The following TMCO4 variants were observed in gnomAD, a reference collection of about 807,000 sequenced individuals.
TMCO4 encodes the protein transmembrane and coiled-coil domains 4, also known as transmembrane and coiled-coil domain-containing protein 4.
TMCO4 carries 58 observed loss-of-function variants against 64.7 expected under a neutral mutation model. The ratio of observed to expected loss-of-function variants is 0.90; its 90% confidence interval spans 0.73 to 1.12. TMCO4 has a LOEUF of 1.12. Among genes scored for constraint, TMCO4 ranks in the 50% most tolerant of loss-of-function variants. The pLI is 0.00. For synonymous variants in TMCO4, 325 were observed against 346.1 expected (o/e 0.94, Z 0.68); for missense variants, 780 against 825.9 (o/e 0.94, Z 0.68).
At chr1:19,773,575 G>C (rs1438628082) in intron 4 of TMCO4, among the ~76,000 whole-genome samples, 1 of 152,190 alleles carries the variant, frequency 6.6e-6, no homozygotes, top group African/African-American at 2.4e-5. Context: ...GCTCAGGGCT[G>C]TGCTGGCAGC....
At chr1:19,723,058 C>T (rs1178349072) in intron 13 of TMCO4, among the ~76,000 whole-genome samples, 1 of 152,182 alleles carries the variant, frequency 6.6e-6, no homozygotes, top group African/African-American at 2.4e-5. Context: ...CTCCTCTGAG[C>T]AAGGCAAGTC....
intron 14 of TMCO4, among the ~76,000 whole-genome samples, chr1:19,699,574 CA>C: frequency 6.6e-6 from 1 of 151,230 alleles, no homozygotes; most frequent in East Asian, 1.9e-4. Context: ...TGCTGATGTG[CA>C]AGCCCCAGGC....
Position 19,682,648 on chromosome 1 carries a change from G to T in TMCO4, c.*392C>A, listed in dbSNP as rs1570593311. ...CTGGTTTTATTGAGGCCAGGGGAGA[G>T]CTGGTGTGGGAGCCTCAGGCCCCAG... On this transcript the variant is annotated 3_prime_UTR_variant, in exon 16 of 16. Coordinates refer to ENST00000294543, the MANE Select transcript of TMCO4 (RefSeq NM_181719.7). The T allele has an allele frequency of 8.4e-6, 6 of 717,590 alleles. No homozygotes were observed. In the East Asian group the frequency reaches 1.6e-4, roughly 19 times the overall value. 44.5% of individuals were successfully genotyped at this position (717,590 alleles called of 1,614,324 possible). A position where few individuals can be genotyped will look rare whatever the true frequency, so the allele number is the denominator to read the frequency against.
At chr1:19,750,553 A>G (rs1325629362) in intron 7 of TMCO4, among the ~76,000 whole-genome samples, 1 of 152,124 alleles carries the variant, frequency 6.6e-6, no homozygotes, top group East Asian at 1.9e-4. Flanking sequence ...AAATATAACC[A>G]TGACTACCTG....
intron 14 of TMCO4, among the ~76,000 whole-genome samples, chr1:19,697,591 G>A (rs190418348): frequency 4.5e-4 from 68 of 150,542 alleles, no homozygotes; most frequent in Non-Finnish European, 7.4e-4. Flanking sequence ...GAGCCACCAT[G>A]CCTGGTTAAC....
intron 14 of TMCO4, among the ~76,000 whole-genome samples, chr1:19,700,556 A>C (rs10917520): frequency 0.52 from 79,683 of 151,900 alleles, 21,599 homozygotes; most frequent in East Asian, 0.67. Flanking sequence ...CTCAGAATCC[A>C]CCCTTCTGTC....
chr1:19,725,226 A>T (rs538528066), intron 13 of TMCO4, among the ~76,000 whole-genome samples: 1 of 152,334 alleles, frequency 6.6e-6, no homozygotes, highest in African/African-American at 2.4e-5. Flanking sequence ...TGCTGAATGA[A>T]GACACCTGCA....
At position 19,694,499 on chromosome 1, in the gene TMCO4, C is replaced by T. The variant is rs760537609; in HGVS notation, c.1435G>A (p.Val479Ile). The T allele has an allele frequency of 5.0e-6, 8 of 1,614,084 alleles. No homozygotes were observed. The highest frequency in any genetic ancestry group is 2.2e-5 in the South Asian group (2 of 91,082). ...VYRTSSVQLR[V>I]AGLQPVLLQD... ...AGCAGCACGGGCTGTAGGCCGGCGA[C>T]ACGGAGCTGCACCGAGGATGTGCGG... is the stretch of plus-strand genomic sequence containing the variant. Residue 479 changes from valine (V) to isoleucine (I), a missense_variant, in exon 15 of 16, where the codon GTC becomes ATC. Val to Ile is a conservative substitution (Grantham distance 29). Transcript: ENST00000294543.
chr1:19,792,735 C>A (rs1571068859), intron 2 of TMCO4, among the ~76,000 whole-genome samples: 1 of 148,376 alleles, frequency 6.7e-6, no homozygotes, highest in African/African-American at 2.5e-5. Context: ...TTCTTTTCCC[C>A]CTTGGAGCAG....
Position 19,755,773 on chromosome 1 carries a change from A to G in TMCO4, c.383-7T>C. On this transcript the variant is annotated splice_region_variant and splice_polypyrimidine_tract_variant and intron_variant, in intron 6 of 15. Coordinates refer to ENST00000294543, the MANE Select transcript of TMCO4 (RefSeq NM_181719.7). ...GCCCGGGCGTCATAGTGCCCTCGAA[A>G]GACAGAAACAACACCGGAAAAGAAT... 6.2e-7 allele frequency: 1 copy of G among 1,614,008 alleles called. No homozygotes were observed. Among genetic ancestry groups the G allele is most frequent in the East Asian group, 2.2e-5 (1 of 44,876 alleles).
chr1:19,771,573 A>AG lies in TMCO4; in HGVS notation c.180-92dup. 2.3e-6 allele frequency: 3 copies of AG among 1,325,700 alleles called. No individual in the cohort carries two copies. The South Asian group carries it at 4.4e-5, about 19-fold the overall frequency. The allele number at this position is 1,325,700 out of a possible 1,614,324, so 82.1% of individuals were successfully genotyped here. Reference sequence around the variant, plus strand: ...ATTAGTTGTGGTCACGGATGTGAACAGCTGGCACGTGCCTGACTTACTGAC... The same window carrying AG: ...ATTAGTTGTGGTCACGGATGTGAACAGGCTGGCACGTGCCTGACTTACTGAC... On this transcript the variant is annotated intron_variant, in intron 4 of 15. Transcript: ENST00000294543.
chr1:19,758,213 G>T (rs773630533), intron 6 of TMCO4, among the ~76,000 whole-genome samples: 32 of 151,842 alleles, frequency 2.1e-4, no homozygotes, highest in Non-Finnish European at 4.3e-4. Context: ...TCCCCAGAGT[G>T]AAACAGGGTC....
At chr1:19,716,165 T>TTTATTATTA (rs35582165) in intron 13 of TMCO4, among the ~76,000 whole-genome samples, 91,626 of 144,710 alleles carry the variant, frequency 0.63, 29,440 homozygotes, top group East Asian at 0.76. Flanking sequence ...TTATTTTTAT[T>TTTATTATTA]TTATTATTAT....
At chr1:19,724,741 G>A (rs947731554) in intron 13 of TMCO4, among the ~76,000 whole-genome samples, 4 of 152,060 alleles carry the variant, frequency 2.6e-5, no homozygotes, top group African/African-American at 9.7e-5. Flanking sequence ...TAGACTCTAA[G>A]TTCAGTGCTC....
At chr1:19,715,084 G>T (rs562095748) in intron 13 of TMCO4, among the ~76,000 whole-genome samples, 142 of 152,056 alleles carry the variant, frequency 9.3e-4, no homozygotes, top group African/African-American at 3.1e-3. Context: ...TCTACAAAAA[G>T]AATTTGAAAA....
At chr1:19,683,951 G>A (rs2095125558) in intron 15 of TMCO4, among the ~76,000 whole-genome samples, 1 of 151,152 alleles carries the variant, frequency 6.6e-6, no homozygotes, top group Admixed American at 6.6e-5. Context: ...TAGTAGAGAA[G>A]GGGTTTCACC....
chr1:19,782,612 C>T (rs1429692248), intron 3 of TMCO4, among the ~76,000 whole-genome samples: 1 of 152,120 alleles, frequency 6.6e-6, no homozygotes, highest in African/African-American at 2.4e-5. Flanking sequence ...CTTTTCCTTC[C>T]CTCTATTCTT....
In TMCO4 at chr1:19,700,157, A is replaced by G. The variant is rs115728764; in HGVS notation, c.1382+611T>C. Among the ~76,000 whole-genome samples, 675 of 152,208 alleles carry G rather than the reference A, an allele frequency of 4.4e-3. 7 individuals carry two copies. The highest frequency in any genetic ancestry group is 0.015 in the African/African-American group (631 of 41,520). On this transcript the variant is annotated intron_variant, in intron 14 of 15. Coordinates refer to ENST00000294543, the MANE Select transcript of TMCO4 (RefSeq NM_181719.7). ...GTCACAGCTTTGGCTGAAACCCCGCAGGTCCTCCTTCTCAAACCCCAAAGG... is the reference window on the plus strand; with the variant it reads ...GTCACAGCTTTGGCTGAAACCCCGCGGGTCCTCCTTCTCAAACCCCAAAGG...
In TMCO4 at chr1:19,722,069, C is replaced by G. The variant is rs564261686; in HGVS notation, c.1264+15303G>C. 1.3e-4 allele frequency among the ~76,000 whole-genome samples: 20 copies of G among 152,300 alleles called. No homozygotes were observed. The South Asian group carries it at 4.1e-3, about 32-fold the overall frequency. ...GTCCTCTAAATTCCTGACTTACTAC[C>G]CTTCGCAGAGTAGTCCGTTTCCTAT... On this transcript the variant is annotated intron_variant, in intron 13 of 15. Coordinates refer to ENST00000294543, the MANE Select transcript of TMCO4 (RefSeq NM_181719.7).
Sources: gnomAD v4.1 joint callset for allele counts (sites outside exome capture counted in the v4.1 genomes callset) on GRCh38, gnomAD v4.1.1 for gene constraint, MANE v1.5 for transcripts, NCBI Gene and HGNC (gene_info 2026-07-23, HGNC 2026-07-21) for gene names.